Variants in MEF2C observed in about 807,000 individuals in gnomAD.
MEF2C encodes the protein myocyte-specific enhancer factor 2C.
Under a neutral mutation model 50.5 loss-of-function variants are expected in MEF2C, and 6 were observed. The ratio of observed to expected loss-of-function variants is 0.12; its 90% confidence interval spans 0.07 to 0.23. The LOEUF (loss-of-function observed/expected upper bound fraction) is 0.23, where lower values mean the gene tolerates loss of function less well. MEF2C is among the 10% of genes least tolerant of loss of function. MEF2C has a pLI of 1.00. For synonymous variants in MEF2C, 183 were observed against 228.0 expected, an observed-to-expected ratio of 0.80 and a Z score of 1.78; for missense variants, 276 against 605.0, an observed-to-expected ratio of 0.46 and a Z score of 5.70.
At chr5:88,759,693 G>T (rs901398110) in intron 4 of MEF2C, among the ~76,000 whole-genome samples, 1 of 152,040 alleles carries the variant, frequency 6.6e-6, no homozygotes, top group African/African-American at 2.4e-5. Flanking sequence ...AAACCCTTAA[G>T]AATTTATAGC....
intron 3 of MEF2C, among the ~76,000 whole-genome samples, chr5:88,774,228 C>G (rs1294043964): frequency 6.6e-6 from 1 of 152,200 alleles, no homozygotes; most frequent in Non-Finnish European, 1.5e-5. Context: ...TATCTACCAA[C>G]AACTACATCA....
chr5:88,730,065 G>T, intron 8 of MEF2C, 146 bp downstream of exon 8: 1 of 657,420 alleles, frequency 1.5e-6, no homozygotes, highest in Non-Finnish European at 2.3e-6. Context: ...ACCTGTGAGT[G>T]ATGCCAGAAA....
intron 2 of MEF2C, among the ~76,000 whole-genome samples, chr5:88,812,198 T>C (rs951743536): frequency 6.6e-6 from 1 of 152,134 alleles, no homozygotes; most frequent in African/African-American, 2.4e-5. Context: ...CTCTCAGCTA[T>C]ATCCTAGTTT....
intron 1 of MEF2C, among the ~76,000 whole-genome samples, chr5:88,832,079 G>A (rs545309982): frequency 1.3e-5 from 2 of 152,170 alleles, no homozygotes; most frequent in East Asian, 3.9e-4. Context: ...ATGTACATTA[G>A]CTCCAGACAC....
intron 1 of MEF2C, among the ~76,000 whole-genome samples, chr5:88,902,189 A>C (rs1036445236): frequency 9.7e-6 from 1 of 103,548 alleles, no homozygotes; most frequent in African/African-American, 2.8e-5. Context: ...CATGAAATAC[A>C]TACTAATTCT....
upstream of MEF2C, chr5:88,884,225 T>C (rs1833752380): frequency 6.6e-6 from 1 of 152,194 alleles, no homozygotes; most frequent in Non-Finnish European, 1.5e-5. Context: ...CTCTGACCAA[T>C]AGGAGCGCGA....
intron 1 of MEF2C, among the ~76,000 whole-genome samples, chr5:88,836,663 C>T (rs552582275): frequency 1.3e-5 from 2 of 152,126 alleles, no homozygotes; most frequent in Non-Finnish European, 2.9e-5. Context: ...GTTTCTAGGC[C>T]GAAGGCCTAG....
In MEF2C at chr5:88,875,705, T is replaced by A. The variant is rs80133290; in HGVS notation, c.-143+7250A>T. On this transcript the variant is annotated intron_variant, in intron 1 of 10. Coordinates refer to ENST00000504921, the MANE Select transcript of MEF2C (RefSeq NM_002397.5). ...ATTTTCAAGTTAAAGAAGGGAAACA[T>A]TATACTTTTCCTTTCCCAAAGGTAT... is the stretch of plus-strand genomic sequence containing the variant. 9.8e-3 allele frequency among the ~76,000 whole-genome samples: 1,495 copies of A among 152,094 alleles called. 27 individuals are homozygous for A. The highest frequency in any genetic ancestry group is 0.035 in the African/African-American group (1,433 of 41,516).
chr5:88,779,384 G>A (rs1786552459), intron 3 of MEF2C, among the ~76,000 whole-genome samples: 1 of 152,122 alleles, frequency 6.6e-6, no homozygotes, highest in Admixed American at 6.5e-5. Context: ...GAAGCATGAG[G>A]TTAAGGCAGG....
intron 2 of MEF2C, among the ~76,000 whole-genome samples, chr5:88,814,386 C>T (rs1051875014): frequency 3.3e-5 from 5 of 151,876 alleles, no homozygotes; most frequent in Non-Finnish European, 5.9e-5. Flanking sequence ...ATGAAAGGCT[C>T]TTTAAAGAGC....
intron 6 of MEF2C, chr5:88,742,277 T>C (rs1767190097): frequency 1.0e-6 from 1 of 985,280 alleles, no homozygotes; most frequent in Admixed American, 6.2e-5. Flanking sequence ...AATAAAATCT[T>C]ATCATGATGC....
At chr5:88,734,079 CA>C (rs1251554038) in intron 6 of MEF2C, 2 of 983,224 alleles carry the variant, frequency 2.0e-6, no homozygotes. Flanking sequence ...AAAAGCTTGA[CA>C]AAATGGAGTG....
At chr5:88,781,996 A>C (rs981232743) in intron 3 of MEF2C, 5 of 419,586 alleles carry the variant, frequency 1.2e-5, no homozygotes, top group Non-Finnish European at 1.6e-5. Context: ...CAAAACAAAA[A>C]ACTGCACATG....
At chr5:88,902,237 CTA>C (rs1835740560) in intron 1 of MEF2C, among the ~76,000 whole-genome samples, 1 of 151,518 alleles carries the variant, frequency 6.6e-6, no homozygotes, top group African/African-American at 2.4e-5. Context: ...AATTTAGCGA[CTA>C]TAGTTACTCA....
chr5:88,734,166 T>C (rs1762867009), intron 6 of MEF2C: 1 of 985,094 alleles, frequency 1.0e-6, no homozygotes, highest in Non-Finnish European at 1.2e-6. Context: ...TTTGAATTAA[T>C]AGATTCTACG....
At chr5:88,887,846 C>T (rs1162653286), upstream of MEF2C, among the ~76,000 whole-genome samples, 2 of 152,170 alleles carry the variant, frequency 1.3e-5, no homozygotes, top group Admixed American at 1.3e-4. Context: ...GAAGAATATA[C>T]AGCATGTGGA....
At chr5:88,849,713 A>T (rs1316971134) in intron 1 of MEF2C, among the ~76,000 whole-genome samples, 1 of 152,144 alleles carries the variant, frequency 6.6e-6, no homozygotes, top group East Asian at 1.9e-4. Flanking sequence ...TATACTCTAG[A>T]TCCATTTTTA....
rs1374502278 is a variant in MEF2C at position 88,721,238 on chromosome 5, AT to A, written c.*1365del. 1.3e-5 allele frequency: 2 copies of A among 152,770 alleles called. No homozygotes were observed. The highest frequency in any genetic ancestry group is 2.9e-5 in the Non-Finnish European group (2 of 68,028). The allele number at this position is 152,770 out of a possible 1,614,324, so 9.5% of individuals were successfully genotyped here. On this transcript the variant is annotated 3_prime_UTR_variant, in exon 11 of 11. Coordinates refer to ENST00000504921, the MANE Select transcript of MEF2C (RefSeq NM_002397.5). ...ATTTAGAATATGGGCAAGTTAGGAT[AT>A]GCACTTACTGAATTCCAAGATGCAT...
intron 1 of MEF2C, among the ~76,000 whole-genome samples, chr5:88,888,702 T>C (rs1834227498): frequency 6.7e-6 from 1 of 149,648 alleles, no homozygotes. Context: ...TGAAATAACA[T>C]CTGAAAGGTA....
Sources: allele counts gnomAD v4.1 joint callset (sites outside exome capture counted in the v4.1 genomes callset), GRCh38; gene constraint gnomAD v4.1.1; transcripts MANE v1.5; gene names NCBI Gene and HGNC (gene_info 2026-07-23, HGNC 2026-07-21).